The following GLYAT variants were observed in gnomAD, a reference collection of about 807,000 sequenced individuals.
The protein encoded by GLYAT is glycine N-acyltransferase.
A neutral mutation model predicts 22.8 loss-of-function variants in GLYAT; 25 were observed. That is an observed-to-expected ratio of 1.09 (90% confidence interval 0.80 to 1.53). The LOEUF (loss-of-function observed/expected upper bound fraction) is 1.53, where lower values mean the gene tolerates loss of function less well. Ranked by LOEUF, GLYAT falls within the 40% of genes most tolerant of loss-of-function variation. GLYAT has a pLI of 0.00. For synonymous variants in GLYAT, 140 were observed against 122.7 expected, an observed-to-expected ratio of 1.14 and a Z score of -0.93; for missense variants, 411 against 353.9, an observed-to-expected ratio of 1.16 and a Z score of -1.29.
chr11:58,719,461 C>G (rs1038478973), intron 2 of GLYAT, among the ~76,000 whole-genome samples: 2 of 151,942 alleles, frequency 1.3e-5, no homozygotes, highest in Non-Finnish European at 2.9e-5. Flanking sequence ...GGTCTATATG[C>G]TGGTTTTTCA....
chr11:58,727,018 A>G (rs1196499671), intron 1 of GLYAT, among the ~76,000 whole-genome samples: 1 of 152,160 alleles, frequency 6.6e-6, no homozygotes, highest in Non-Finnish European at 1.5e-5. Context: ...AAAAGCAAGT[A>G]GGTGAGATCC....
At chr11:58,722,783 G>A (rs1237850235) in intron 2 of GLYAT, among the ~76,000 whole-genome samples, 1 of 152,038 alleles carries the variant, frequency 6.6e-6, no homozygotes, top group Non-Finnish European at 1.5e-5. Flanking sequence ...AGTTGTAGTG[G>A]ACATCTTTAT....
At chr11:58,715,145 T>G (rs896863162) in intron 3 of GLYAT, among the ~76,000 whole-genome samples, 171 bp downstream of exon 3, 2 of 152,146 alleles carry the variant, frequency 1.3e-5, no homozygotes, top group African/African-American at 2.4e-5. Flanking sequence ...TACTTCACAC[T>G]TTATTGGTTG....
chr11:58,728,760 G>T (rs1205021335), intron 1 of GLYAT: 1 of 151,050 alleles, frequency 6.6e-6, no homozygotes, highest in Admixed American at 6.6e-5. Context: ...GGAGCTTAAG[G>T]AGGCCAAGGT....
chr11:58,718,111 T>C (rs1856706100), intron 2 of GLYAT, among the ~76,000 whole-genome samples: 1 of 152,214 alleles, frequency 6.6e-6, no homozygotes, highest in East Asian at 1.9e-4. Flanking sequence ...GAAGTCAAGT[T>C]TGATTTCTTA....
Position 58,709,639 on chromosome 11 carries a change from C to A in GLYAT, c.*127G>T. The A allele has an allele frequency of 1.0e-6, 1 of 970,352 alleles. No homozygotes were observed. Among genetic ancestry groups the A allele is most frequent in the Non-Finnish European group, 1.5e-6 (1 of 653,926 alleles). The allele number at this position is 970,352 out of a possible 1,614,324, so 60.1% of individuals were successfully genotyped here. A position where few individuals can be genotyped will look rare whatever the true frequency, so the allele number is the denominator to read the frequency against. ...ATGCTGTTGAACATCACACTGCTTC[C>A]CCAGAGTCCAAACAGTGCCCACTCC... On this transcript the variant is annotated 3_prime_UTR_variant, in exon 6 of 6. Transcript: ENST00000344743.
At chr11:58,722,643 T>C (rs1856764009) in intron 2 of GLYAT, among the ~76,000 whole-genome samples, 1 of 152,016 alleles carries the variant, frequency 6.6e-6, no homozygotes, top group Non-Finnish European at 1.5e-5. Flanking sequence ...TTTGAATAAA[T>C]AGAATGGGAG....
chr11:58,711,523 C>T lies in GLYAT; in HGVS notation c.317-762G>A, dbSNP rs118166405. Among the ~76,000 whole-genome samples, 381 of 152,202 alleles carry T rather than the reference C, an allele frequency of 2.5e-3. 3 individuals are homozygous for T. The highest frequency in any genetic ancestry group is 0.019 in the East Asian group (98 of 5,186). ...ATTTGTGTAATTTTTTCTGTTTTAC[C>T]TAAGCAAAAACATGCTTAGGGATGG... On this transcript the variant is annotated intron_variant, in intron 4 of 5. Coordinates refer to ENST00000344743, the MANE Select transcript of GLYAT (RefSeq NM_201648.3).
chr11:58,723,920 A>G (rs1215556845), intron 2 of GLYAT, among the ~76,000 whole-genome samples: 1 of 152,050 alleles, frequency 6.6e-6, no homozygotes, highest in Non-Finnish European at 1.5e-5. Context: ...CAATTGGGAA[A>G]TTTACATTAA....
chr11:58,715,359 T>G lies in GLYAT; in HGVS notation c.146A>C (p.Lys49Thr). Residue 49 changes from lysine to threonine, a missense_variant, in exon 3 of 6, where the codon AAG (lysine) becomes ACG (threonine). Transcript: ENST00000344743. Reference protein sequence around the residue: ...NPFNLKAVVDKWPDFNTVVVC... With the variant: ...NPFNLKAVVDTWPDFNTVVVC... ...AACCACTGTATTAAAATCAGGCCAC[T>G]TGTCCACCACAGCCTTCAGATTGAA... The G allele has an allele frequency of 6.2e-7, 1 of 1,602,686 alleles. No individual in the cohort carries two copies. Among genetic ancestry groups the G allele is most frequent in the South Asian group, 1.1e-5 (1 of 90,842 alleles).
chr11:58,714,866 A>T (rs865967015), intron 3 of GLYAT, among the ~76,000 whole-genome samples: 3 of 152,146 alleles, frequency 2.0e-5, no homozygotes, highest in Non-Finnish European at 2.9e-5. Context: ...TATTAGTAGC[A>T]TGAGAACGGA....
chr11:58,730,615 A>T (rs1480160729), intron 1 of GLYAT, among the ~76,000 whole-genome samples: 1 of 152,138 alleles, frequency 6.6e-6, no homozygotes, highest in Admixed American at 6.6e-5. Flanking sequence ...GCAGCTTGTA[A>T]TGCAGACCTT....
At chr11:58,717,833 T>C (rs1856702772) in intron 2 of GLYAT, among the ~76,000 whole-genome samples, 1 of 152,096 alleles carries the variant, frequency 6.6e-6, no homozygotes, top group South Asian at 2.1e-4. Context: ...ATTTTTTAAA[T>C]AGGCTTTTAA....
chr11:58,717,667 C>T (rs890649541), intron 2 of GLYAT, among the ~76,000 whole-genome samples: 1 of 151,842 alleles, frequency 6.6e-6, no homozygotes, highest in African/African-American at 2.4e-5. Context: ...TAACATTAGG[C>T]GAGACTAGAA....
chr11:58,715,181 G>A (rs1856664066), intron 3 of GLYAT, 135 bp downstream of exon 3: 2 of 550,216 alleles, frequency 3.6e-6, no homozygotes, highest in South Asian at 2.7e-5. Flanking sequence ...CAGACTCCGA[G>A]CTTCTTGAGG....
intron 1 of GLYAT, among the ~76,000 whole-genome samples, chr11:58,728,885 AGAAAGAAGGAAGGAAGGAAGGAAGGAAG>A (rs1219047816): frequency 1.3e-3 from 160 of 121,644 alleles, no homozygotes; most frequent in South Asian, 8.1e-3. Flanking sequence ...AAAGAAAGAA[AGAAAGAAGGAAGGAAGGAAGGAAGGAAG>A]GAAGGAAGGA....
At chr11:58,716,678 A>C (rs748256145) in intron 2 of GLYAT, among the ~76,000 whole-genome samples, 55 of 152,108 alleles carry the variant, frequency 3.6e-4, no homozygotes, top group Middle Eastern at 3.2e-3. Context: ...AATCCTTTTT[A>C]GTCCTACTGG....
At chr11:58,715,980 T>TG (rs1856674940) in intron 2 of GLYAT, among the ~76,000 whole-genome samples, 2 of 152,172 alleles carry the variant, frequency 1.3e-5, no homozygotes, top group East Asian at 3.9e-4. Context: ...TGTTTAAAAC[T>TG]CTTTAGCATT....
intron 3 of GLYAT, among the ~76,000 whole-genome samples, chr11:58,713,790 C>G (rs1217080407): frequency 1.3e-5 from 2 of 152,004 alleles, no homozygotes; most frequent in African/African-American, 4.8e-5. Flanking sequence ...GCAATGATAC[C>G]ACTGACACAT....
Sources: allele counts gnomAD v4.1 joint callset (sites outside exome capture counted in the v4.1 genomes callset), GRCh38; gene constraint gnomAD v4.1.1; transcripts MANE v1.5; gene names NCBI Gene and HGNC (gene_info 2026-07-23, HGNC 2026-07-21).